DESI1: variants seen among roughly 807,000 people sequenced by gnomAD.
DESI1 encodes PPPDE peptidase domain containing 2.
DESI1 carries 17 observed loss-of-function variants against 22.4 expected under a neutral mutation model. That is an observed-to-expected ratio of 0.76 (90% CI 0.52 to 1.14). The LOEUF is 1.14. Ranked by LOEUF, DESI1 falls within the 50% of genes most tolerant of loss-of-function variation. The probability of loss-of-function intolerance (pLI) is 0.00; values close to 1 mark genes in which losing one functional copy is unlikely to be tolerated. For missense variants in DESI1, 177 were observed against 208.9 expected (o/e 0.85, Z 0.94); for synonymous variants, 92 against 84.2 (o/e 1.09, Z -0.51).
chr22:41,617,533 C>T (rs913868795), intron 1 of DESI1, among the ~76,000 whole-genome samples: 1 of 152,216 alleles, frequency 6.6e-6, no homozygotes. Context: ...GGGACATACC[C>T]AACTTCAAGA....
At chr22:41,608,366 C>T (rs2067494950) in intron 1 of DESI1, among the ~76,000 whole-genome samples, 1 of 152,178 alleles carries the variant, frequency 6.6e-6, no homozygotes, top group Non-Finnish European at 1.5e-5. Context: ...ACTTTCCTGC[C>T]CTTGAGAAGC....
At chr22:41,602,332 C>T in intron 5 of DESI1, 1 of 985,436 alleles carries the variant, frequency 1.0e-6, no homozygotes, top group Non-Finnish European at 1.2e-6. Context: ...CTCAGGGCCC[C>T]ATAACCTAGA....
chr22:41,614,956 C>T (rs2067541524), intron 1 of DESI1, among the ~76,000 whole-genome samples: 1 of 150,190 alleles, frequency 6.7e-6, no homozygotes, highest in Admixed American at 6.6e-5. Flanking sequence ...TGCATATCTG[C>T]AGAAGATTTC....
intron 5 of DESI1, among the ~76,000 whole-genome samples, chr22:41,601,590 G>A (rs2067450248): frequency 6.6e-6 from 1 of 150,544 alleles, no homozygotes; most frequent in East Asian, 1.9e-4. Flanking sequence ...AAAAGAAGAA[G>A]GATATGAAAA....
At position 41,620,946 on chromosome 22, in the gene DESI1, A is replaced by C; in HGVS notation, c.-107T>G. 1.0e-4 allele frequency: 117 copies of C among 1,139,146 alleles called. No homozygotes were observed. Among genetic ancestry groups the C allele is most frequent in the East Asian group, 2.7e-4 (9 of 33,684 alleles). The allele number at this position is 1,139,146 out of a possible 1,614,324, so 70.6% of individuals were successfully genotyped here. Reference sequence around the variant, plus strand: ...GAAGCGGAGGGAGAGGGGGGGACCGAGCCCGGGCCCGGGCTGAGGGGTGGG... The same window carrying C: ...GAAGCGGAGGGAGAGGGGGGGACCGCGCCCGGGCCCGGGCTGAGGGGTGGG... On this transcript the variant is annotated 5_prime_UTR_variant, in exon 1 of 6. Transcript: ENST00000263256.
Position 41,620,752 on chromosome 22 carries a change from C to A in DESI1, c.88G>T (p.Gly30Trp). 6.2e-7 allele frequency: 1 copy of A among 1,608,714 alleles called. No homozygotes were observed. The highest frequency in any genetic ancestry group is 1.1e-5 in the South Asian group (1 of 90,210). Residue 30 changes from glycine (G) to tryptophan (W), a missense_variant and splice_region_variant, in exon 1 of 6, where the codon GGG (glycine) becomes TGG (tryptophan). Gly to Trp is a radical substitution (Grantham distance 184, BLOSUM62 -2). Coordinates refer to ENST00000263256, the MANE Select transcript of DESI1 (RefSeq NM_015704.3). ...LARRLSPIML[G>W]KQLEGIWHTS... is the part of the protein sequence containing the mutation. ...GCCCACCTGGCCCCTTCCCCCTCAC[C>A]CAGCATGATGGGGCTGAGCCGCCGG...
At chr22:41,602,453 G>C in intron 5 of DESI1, 1 of 985,468 alleles carries the variant, frequency 1.0e-6, no homozygotes, top group Non-Finnish European at 1.2e-6. Context: ...TGTTTCCTAT[G>C]CAAGCTCTTC....
intron 1 of DESI1, among the ~76,000 whole-genome samples, chr22:41,612,179 T>G (rs1456742364): frequency 6.6e-6 from 1 of 152,070 alleles, no homozygotes; most frequent in Non-Finnish European, 1.5e-5. Context: ...AGTCATAACA[T>G]GTTAGCAATA....
intron 3 of DESI1, among the ~76,000 whole-genome samples, chr22:41,606,341 G>C (rs912383598): frequency 6.7e-6 from 1 of 149,230 alleles, no homozygotes; most frequent in African/African-American, 2.5e-5. Flanking sequence ...GGGTGACAGA[G>C]CAAGACCCCG....
Position 41,600,950 on chromosome 22 carries a change from C to T in DESI1, c.*147G>A, listed in dbSNP as rs1284029069. On this transcript the variant is annotated 3_prime_UTR_variant, in exon 6 of 6. Transcript: ENST00000263256. ...TCTTAGCAGCATTGTCTACATGCGG[C>T]CTGACGGTCTCCTTCCCTGGGAAAT... 2.0e-5 allele frequency: 14 copies of T among 706,866 alleles called. No individual in the cohort carries two copies. Among genetic ancestry groups the T allele is most frequent in the South Asian group, 1.6e-4 (9 of 57,706 alleles). The allele number at this position is 706,866 out of a possible 1,614,324, so 43.8% of individuals were successfully genotyped here. A position where few individuals can be genotyped will look rare whatever the true frequency, so the allele number is the denominator to read the frequency against.
chr22:41,612,756 C>CTT (rs1176318751), intron 1 of DESI1, among the ~76,000 whole-genome samples: 4 of 134,732 alleles, frequency 3.0e-5, no homozygotes, highest in African/African-American at 2.7e-5. Flanking sequence ...CCCAGGCCTA[C>CTT]TTTTTTTTTT....
chr22:41,615,382 G>A (rs1189336311), intron 1 of DESI1, among the ~76,000 whole-genome samples: 8 of 149,934 alleles, frequency 5.3e-5, no homozygotes, highest in African/African-American at 2.0e-4. Context: ...GGAGGCACGC[G>A]CCACTGCACT....
chr22:41,610,328 G>A (rs954964896), intron 1 of DESI1, among the ~76,000 whole-genome samples: 6 of 151,388 alleles, frequency 4.0e-5, no homozygotes, highest in East Asian at 1.9e-4. Flanking sequence ...GCAGTGAGCC[G>A]AGATCGTGCC....
Position 41,600,862 on chromosome 22 carries a change from CAGACA to C in DESI1, c.*230_*234del. 2.1e-6 allele frequency: 1 copy of C among 476,086 alleles called. No individual in the cohort carries two copies. The highest frequency in any genetic ancestry group is 3.8e-6 in the Non-Finnish European group (1 of 263,744). 29.5% of individuals were successfully genotyped at this position (476,086 alleles called of 1,614,324 possible). On this transcript the variant is annotated 3_prime_UTR_variant, in exon 6 of 6. Transcript: ENST00000263256. The stretch of plus-strand genomic sequence containing the variant: ...GGAAACAGCATCCGAAGTGAACGCA[CAGACA>C]AGACAGCCTTAATAAATTAGTATAA...
chr22:41,616,549 C>G (rs1466302379), intron 1 of DESI1, among the ~76,000 whole-genome samples: 1 of 151,774 alleles, frequency 6.6e-6, no homozygotes, highest in East Asian at 1.9e-4. Context: ...CACACACACA[C>G]ACACACACAC....
chr22:41,607,742 C>A, intron 2 of DESI1, 98 bp downstream of exon 2: 1 of 1,362,506 alleles, frequency 7.3e-7, no homozygotes. Flanking sequence ...GCATGGAGAG[C>A]TAGGTTTCAT....
chr22:41,618,666 T>C (rs1411536611), intron 1 of DESI1, among the ~76,000 whole-genome samples: 1 of 152,150 alleles, frequency 6.6e-6, no homozygotes, highest in African/African-American at 2.4e-5. Context: ...AAATACCCAG[T>C]GTAAAGGGGG....
chr22:41,600,144 A>C lies in DESI1; in HGVS notation c.*953T>G, dbSNP rs1041200090. ...CTGTGAGCCGAGATCATGCCACTGCACACCAGCCTGGGTGGTAGAGCGAGA... is the reference window on the plus strand; with the variant it reads ...CTGTGAGCCGAGATCATGCCACTGCCCACCAGCCTGGGTGGTAGAGCGAGA... On this transcript the variant is annotated 3_prime_UTR_variant, in exon 6 of 6. Coordinates refer to ENST00000263256, the MANE Select transcript of DESI1 (RefSeq NM_015704.3). 2 of 152,174 alleles carry C rather than the reference A, an allele frequency of 1.3e-5. No homozygotes were observed. The highest frequency in any genetic ancestry group is 4.8e-5 in the African/African-American group (2 of 41,462). The allele number at this position is 152,174 out of a possible 1,614,324, so 9.4% of individuals were successfully genotyped here.
At chr22:41,603,943 T>A in intron 4 of DESI1, 101 bp downstream of exon 4, 2 of 1,063,004 alleles carry the variant, frequency 1.9e-6, no homozygotes, top group Non-Finnish European at 2.7e-6. Flanking sequence ...CCAGGCCTTG[T>A]GCTGAGTGAT....
Sources: gnomAD v4.1 joint callset for allele counts (sites outside exome capture counted in the v4.1 genomes callset) on GRCh38, gnomAD v4.1.1 for gene constraint, MANE v1.5 for transcripts, NCBI Gene and HGNC (gene_info 2026-07-23, HGNC 2026-07-21) for gene names.